The following CPLX1 variants were observed in gnomAD, a reference collection of about 807,000 sequenced individuals.
CPLX1 encodes complexin-1.
A neutral mutation model predicts 15.6 loss-of-function variants in CPLX1; 6 were observed. The ratio of observed to expected loss-of-function variants is 0.39; its 90% CI spans 0.21 to 0.76. CPLX1 has a LOEUF of 0.76. Among genes scored for constraint, CPLX1 ranks in the 30% least tolerant of loss-of-function variants. CPLX1 has a pLI of 0.43. For synonymous variants in CPLX1, 91 were observed against 75.2 expected (o/e 1.21, Z -1.08); for missense variants, 242 against 188.6 (o/e 1.28, Z -1.66).
intron 2 of CPLX1, among the ~76,000 whole-genome samples, chr4:795,224 C>T (rs1052117165): frequency 1.3e-5 from 2 of 152,374 alleles, no homozygotes; most frequent in East Asian, 3.9e-4. Flanking sequence ...ACAGAAACTG[C>T]GGGAAGCTTG....
At chr4:806,938 C>A (rs1203351532) in intron 2 of CPLX1, among the ~76,000 whole-genome samples, 1 of 152,154 alleles carries the variant, frequency 6.6e-6, no homozygotes, top group Non-Finnish European at 1.5e-5. Context: ...AGACCTAGAA[C>A]CAGAAATACC....
Position 788,382 on chromosome 4 carries a change from G to A in CPLX1, c.208-1684C>T, listed in dbSNP as rs533004007. 179 of 985,170 alleles carry A rather than the reference G, an allele frequency of 1.8e-4. No individual in the cohort carries two copies. The African/African-American group carries it at 2.0e-3, about 11-fold the overall frequency. 61.0% of individuals were successfully genotyped at this position (985,170 alleles called of 1,614,324 possible). A position where few individuals can be genotyped will look rare whatever the true frequency, so the allele number is the denominator to read the frequency against. ...CCTTCAGTGAGATGGAAAGGAGGGC[G>A]CCACGTTCCCAGCCGCCTGTGGCCA... On this transcript the variant is annotated intron_variant, in intron 3 of 3. Coordinates refer to ENST00000304062, the MANE Select transcript of CPLX1 (RefSeq NM_006651.4).
At position 817,976 on chromosome 4, in the gene CPLX1, G is replaced by A. The variant is rs60981338; in HGVS notation, c.31+6516C>T. On this transcript the variant is annotated intron_variant, in intron 2 of 3. Coordinates refer to ENST00000304062, the MANE Select transcript of CPLX1 (RefSeq NM_006651.4). ...GACAGGGGACACTGGAGGCGCCACC[G>A]CCCTCGGGGGTGGCTCACTGTCCAC... Among the ~76,000 whole-genome samples the A allele has an allele frequency of 1.9e-3, 289 of 152,326 alleles. 3 individuals are homozygous for A. Among genetic ancestry groups the A allele is most frequent in the African/African-American group, 6.7e-3 (277 of 41,588 alleles).
chr4:818,594 C>G (rs906348587), intron 2 of CPLX1, among the ~76,000 whole-genome samples: 3 of 152,384 alleles, frequency 2.0e-5, no homozygotes, highest in Admixed American at 6.5e-5. Context: ...ATGGCCAAGG[C>G]CCCCCGTCCA....
In CPLX1 at chr4:792,588, T is replaced by C. The variant is rs531966510; in HGVS notation, c.52A>G (p.Lys18Glu). 2 of 1,612,346 alleles carry C rather than the reference T, an allele frequency of 1.2e-6. No individual in the cohort carries two copies. Among genetic ancestry groups the C allele is most frequent in the South Asian group, 1.1e-5 (1 of 90,970 alleles). ...ALGGATKDMG[K>E]MLGGDEEKDP... is the part of the protein sequence containing the mutation. The stretch of plus-strand genomic sequence containing the variant: ...TTCTCCTCGTCACCCCCCAGCATCT[T>C]CCCCATGTCCTTGGTGGCCCCTGGT... Residue 18 changes from lysine (K) to glutamate (E), a missense_variant, in exon 3 of 4, where the codon AAG becomes GAG. Coordinates refer to ENST00000304062, the MANE Select transcript of CPLX1 (RefSeq NM_006651.4).
At chr4:791,253 T>C (rs3822028) in intron 3 of CPLX1, among the ~76,000 whole-genome samples, 31,539 of 150,338 alleles carry the variant, frequency 0.21, 4,396 homozygotes, top group African/African-American at 0.39. Flanking sequence ...CAACAGGAGA[T>C]CCCTGGAAAC....
At chr4:787,134 C>T (rs1424143079) in intron 3 of CPLX1, 2 of 985,308 alleles carry the variant, frequency 2.0e-6, no homozygotes, top group Admixed American at 6.1e-5. Context: ...TGGTCCACGA[C>T]CTGCATTCAC....
At chr4:793,024 G>C (rs958224221) in intron 2 of CPLX1, among the ~76,000 whole-genome samples, 12 of 152,376 alleles carry the variant, frequency 7.9e-5, no homozygotes, top group Non-Finnish European at 1.3e-4. Context: ...ATGCCTGGCT[G>C]TGTGGTTGTG....
At chr4:810,083 TTC>T (rs1746636654) in intron 2 of CPLX1, among the ~76,000 whole-genome samples, 1 of 146,276 alleles carries the variant, frequency 6.8e-6, no homozygotes, top group Non-Finnish European at 1.5e-5. Context: ...GGAGTCTCGC[TTC>T]GTTGCCCAGG....
intron 2 of CPLX1, among the ~76,000 whole-genome samples, chr4:807,804 A>G (rs1746585245): frequency 1.3e-5 from 2 of 152,146 alleles, no homozygotes; most frequent in Admixed American, 6.5e-5. Flanking sequence ...TTTAAAACAG[A>G]GAAGCATAAA....
intron 2 of CPLX1, among the ~76,000 whole-genome samples, chr4:813,902 C>A (rs1036078922): frequency 6.6e-6 from 1 of 152,214 alleles, no homozygotes; most frequent in East Asian, 1.9e-4. Context: ...TTTCCTGACT[C>A]GCTGAAACAT....
At chr4:806,284 C>T (rs967999311) in intron 2 of CPLX1, among the ~76,000 whole-genome samples, 2 of 152,028 alleles carry the variant, frequency 1.3e-5, no homozygotes, top group Admixed American at 6.6e-5. Context: ...ACAAACCTGA[C>T]AAAAACAATG....
At chr4:823,294 C>A (rs920580117) in intron 2 of CPLX1, among the ~76,000 whole-genome samples, 1 of 152,178 alleles carries the variant, frequency 6.6e-6, no homozygotes, top group East Asian at 1.9e-4. Context: ...AGGGATGTGG[C>A]CCCAGGACAG....
intron 3 of CPLX1, among the ~76,000 whole-genome samples, chr4:791,973 G>T (rs1746189432): frequency 6.6e-6 from 1 of 152,170 alleles, no homozygotes; most frequent in Non-Finnish European, 1.5e-5. Context: ...TGAGGGGACC[G>T]GGCTGAGTGG....
chr4:824,690 T>C (rs748682644), intron 1 of CPLX1, 89 bp from the exon 2 acceptor site: 2 of 766,692 alleles, frequency 2.6e-6, no homozygotes, highest in African/African-American at 1.7e-5. Flanking sequence ...CCGCAATACC[T>C]TGTGGGCTGG....
intron 2 of CPLX1, among the ~76,000 whole-genome samples, chr4:813,760 T>C (rs755386559): frequency 6.6e-6 from 1 of 152,174 alleles, no homozygotes; most frequent in Non-Finnish European, 1.5e-5. Context: ...TCTGGGGAGA[T>C]GGAGCCACAC....
chr4:794,450 C>T (rs950976586), intron 2 of CPLX1, among the ~76,000 whole-genome samples: 2 of 152,242 alleles, frequency 1.3e-5, no homozygotes, highest in Non-Finnish European at 2.9e-5. Context: ...GGTCAGTTTT[C>T]AGCCGCATCT....
rs569905196 is a variant in CPLX1, at chr4:810,089, G to C, written c.31+14403C>G. 5.6e-3 allele frequency among the ~76,000 whole-genome samples: 692 copies of C among 123,662 alleles called. 2 individuals are homozygous for C. Among genetic ancestry groups the C allele is most frequent in the Admixed American group, 8.7e-3 (85 of 9,746 alleles). The allele number at this position is 123,662 out of a possible 152,430, so 81.1% of individuals were successfully genotyped here. On this transcript the variant is annotated intron_variant, in intron 2 of 3. Coordinates refer to ENST00000304062, the MANE Select transcript of CPLX1 (RefSeq NM_006651.4). ...TTTTGAGATGGAGTCTCGCTTCGTT[G>C]CCCAGGCTGGAGTGCAGTGGCATGA... is the stretch of plus-strand genomic sequence containing the variant.
intron 2 of CPLX1, among the ~76,000 whole-genome samples, chr4:809,983 C>T (rs1272693961): frequency 3.9e-5 from 6 of 152,128 alleles, no homozygotes; most frequent in Admixed American, 3.9e-4. Context: ...ACGGCTCCTT[C>T]ACCCGCCCAC....
Sources: gnomAD v4.1 joint callset for allele counts (sites outside exome capture counted in the v4.1 genomes callset) on GRCh38, gnomAD v4.1.1 for gene constraint, MANE v1.5 for transcripts, NCBI Gene and HGNC (gene_info 2026-07-23, HGNC 2026-07-21) for gene names.